PTPRR: variants seen among roughly 807,000 people sequenced by gnomAD.
PTPRR encodes the protein protein tyrosine phosphatase receptor type R.
Under a neutral mutation model 77.2 loss-of-function variants are expected in PTPRR, and 38 were observed. That is an observed-to-expected ratio of 0.49 (90% CI 0.38 to 0.65). The LOEUF (loss-of-function observed/expected upper bound fraction) is 0.65. Among genes scored for constraint, PTPRR ranks in the 30% least tolerant of loss-of-function variants. The pLI is 0.00. For synonymous variants in PTPRR, 299 were observed against 283.1 expected (o/e 1.06, Z -0.57); for missense variants, 744 against 799.2 (o/e 0.93, Z 0.83).
At position 70,801,785 on chromosome 12, in the gene PTPRR, C is replaced by T. The variant is rs74104605; in HGVS notation, c.358-37007G>A. Among the ~76,000 whole-genome samples the T allele has an allele frequency of 7.8e-3, 1,180 of 152,086 alleles. 18 individuals are homozygous for T. The highest frequency in any genetic ancestry group is 0.027 in the African/African-American group (1,104 of 41,510). On this transcript the variant is annotated intron_variant, in intron 2 of 13. Coordinates refer to ENST00000283228, the MANE Select transcript of PTPRR (RefSeq NM_002849.4). Reference sequence around the variant, plus strand: ...TCTATAGCTATCTATCTCCCTCCCTCCCTCTCTATCTCCCATTGGTTTTGT... The same window carrying T: ...TCTATAGCTATCTATCTCCCTCCCTTCCTCTCTATCTCCCATTGGTTTTGT...
intron 1 of PTPRR, among the ~76,000 whole-genome samples, chr12:70,915,718 G>A (rs1198797043): frequency 2.0e-5 from 3 of 152,152 alleles, no homozygotes; most frequent in Admixed American, 6.5e-5. Context: ...AGCAAAATCT[G>A]TTAGAGATAG....
chr12:70,767,408 G>C (rs1042929438), intron 2 of PTPRR, among the ~76,000 whole-genome samples: 1 of 149,990 alleles, frequency 6.7e-6, no homozygotes, highest in Non-Finnish European at 1.5e-5. Context: ...AAGATCAAAA[G>C]AGACAAAGGC....
At chr12:70,815,705 T>A (rs1891891034) in intron 2 of PTPRR, among the ~76,000 whole-genome samples, 2 of 152,182 alleles carry the variant, frequency 1.3e-5, no homozygotes, top group African/African-American at 4.8e-5. Context: ...TACTTCTGAC[T>A]GAAATTATAT....
chr12:70,823,241 A>T (rs1475194659), intron 2 of PTPRR, among the ~76,000 whole-genome samples: 6 of 152,156 alleles, frequency 3.9e-5, no homozygotes, highest in African/African-American at 1.4e-4. Flanking sequence ...TTAAACTAGA[A>T]TAAGAGTGAA....
intron 6 of PTPRR, among the ~76,000 whole-genome samples, chr12:70,744,581 G>A (rs950698000): frequency 8.5e-5 from 13 of 152,118 alleles, no homozygotes; most frequent in Non-Finnish European, 1.6e-4. Context: ...GATCAATTTT[G>A]TATTCTGCAG....
At chr12:70,749,276 C>T (rs140977927) in intron 5 of PTPRR, among the ~76,000 whole-genome samples, 5 of 152,282 alleles carry the variant, frequency 3.3e-5, no homozygotes, top group Non-Finnish European at 2.9e-5. Context: ...ATTTTTACCA[C>T]TTTCTACTCT....
intron 2 of PTPRR, among the ~76,000 whole-genome samples, chr12:70,837,783 T>A (rs941723605): frequency 6.6e-6 from 1 of 152,036 alleles, no homozygotes; most frequent in African/African-American, 2.4e-5. Flanking sequence ...AACCTTCAGA[T>A]CCCTTCCTTT....
chr12:70,762,633 T>C (rs1005206981), intron 3 of PTPRR, among the ~76,000 whole-genome samples: 11 of 152,248 alleles, frequency 7.2e-5, no homozygotes. Flanking sequence ...GCACTTGTGT[T>C]GTGCCTAACA....
At chr12:70,882,877 GA>G (rs954591587) in intron 2 of PTPRR, among the ~76,000 whole-genome samples, 1 of 152,100 alleles carries the variant, frequency 6.6e-6, no homozygotes, top group Non-Finnish European at 1.5e-5. Flanking sequence ...ACTATTTATT[GA>G]GTGTTCACTA....
At chr12:70,895,252 T>C (rs893944111) in intron 1 of PTPRR, among the ~76,000 whole-genome samples, 26 of 151,574 alleles carry the variant, frequency 1.7e-4, no homozygotes, top group African/African-American at 4.1e-4. Context: ...TTGGGGAAAG[T>C]AGATATCTTA....
At chr12:70,845,482 C>A (rs545547931) in intron 2 of PTPRR, among the ~76,000 whole-genome samples, 1 of 152,248 alleles carries the variant, frequency 6.6e-6, no homozygotes, top group African/African-American at 2.4e-5. Flanking sequence ...GAGCTTAGAG[C>A]AATAACATTT....
At chr12:70,711,531 T>C (rs1156463) in intron 6 of PTPRR, among the ~76,000 whole-genome samples, 104,997 of 151,694 alleles carry the variant, frequency 0.69, 38,229 homozygotes, top group East Asian at 0.93. Flanking sequence ...TTAACCTGGG[T>C]GATGAAATAA....
chr12:70,642,182 C>T lies in PTPRR; in HGVS notation c.1881-2905G>A, dbSNP rs113601286. Among the ~76,000 whole-genome samples the T allele has an allele frequency of 8.1e-3, 1,225 of 151,946 alleles. 5 individuals carry two copies. Among genetic ancestry groups the T allele is most frequent in the Non-Finnish European group, 0.013 (913 of 67,960 alleles). ...CAGTGCCTACATGGTGCCTGGTTCTCGGTAGTATTTTAAGATACTAACTGA... is the reference window on the plus strand; with the variant it reads ...CAGTGCCTACATGGTGCCTGGTTCTTGGTAGTATTTTAAGATACTAACTGA... On this transcript the variant is annotated intron_variant, in intron 13 of 13. Transcript: ENST00000283228.
chr12:70,798,208 A>C (rs1891550076), intron 2 of PTPRR, among the ~76,000 whole-genome samples: 1 of 152,142 alleles, frequency 6.6e-6, no homozygotes, highest in African/African-American at 2.4e-5. Context: ...TTCTTCCCTC[A>C]CCACACCCAC....
chr12:70,654,214 C>CT (rs1886494731), intron 13 of PTPRR, among the ~76,000 whole-genome samples: 1 of 152,006 alleles, frequency 6.6e-6, no homozygotes, highest in East Asian at 1.9e-4. Flanking sequence ...ATCTTCTTGT[C>CT]TTTTTTATTG....
intron 2 of PTPRR, among the ~76,000 whole-genome samples, chr12:70,765,905 G>A (rs1890808993): frequency 6.6e-6 from 1 of 152,194 alleles, no homozygotes; most frequent in East Asian, 1.9e-4. Flanking sequence ...AGAAAACAGG[G>A]TCTGGAGTAG....
At chr12:70,908,498 G>A (rs1426714786) in intron 1 of PTPRR, among the ~76,000 whole-genome samples, 19 of 152,166 alleles carry the variant, frequency 1.2e-4, no homozygotes, top group Non-Finnish European at 2.9e-5. Context: ...AAGGGGGGAA[G>A]TCCCTTATAA....
chr12:70,703,329 C>T (rs1035547673), intron 6 of PTPRR, among the ~76,000 whole-genome samples: 1 of 152,034 alleles, frequency 6.6e-6, no homozygotes, highest in African/African-American at 2.4e-5. Flanking sequence ...TTCTTCTTAA[C>T]TCTTTTGGAT....
At chr12:70,901,252 G>A (rs1893529166) in intron 1 of PTPRR, among the ~76,000 whole-genome samples, 1 of 151,414 alleles carries the variant, frequency 6.6e-6, no homozygotes, top group Admixed American at 6.6e-5. Context: ...CCCAATTCTG[G>A]GTGTCTATCT....
Sources: gnomAD v4.1 joint callset for allele counts (sites outside exome capture counted in the v4.1 genomes callset) on GRCh38, gnomAD v4.1.1 for gene constraint, MANE v1.5 for transcripts, NCBI Gene and HGNC (gene_info 2026-07-23, HGNC 2026-07-21) for gene names.